Variants in PCDHA3 observed in about 807,000 individuals in gnomAD.
PCDHA3 encodes protocadherin alpha 3, also known as protocadherin alpha-3.
In PCDHA3, 41 loss-of-function variants were observed where a neutral mutation model predicts 62.2. That is an observed-to-expected ratio of 0.66 (90% CI 0.51 to 0.86). The LOEUF is 0.86. Ranked by LOEUF, PCDHA3 falls within the 40% of genes least tolerant of loss-of-function variation. PCDHA3 has a pLI of 0.00. For missense variants in PCDHA3, 1,304 were observed against 1,241.2 expected (o/e 1.05, Z -0.76); for synonymous variants, 640 against 555.4 (o/e 1.15, Z -2.14).
In PCDHA3 at chr5:140,875,872, A is replaced by C. The variant is rs1554168004; in HGVS notation, c.2394+72281A>C. Reference sequence around the variant, plus strand: ...CATTAACGACAACCCGCCGGTGTTCAGAGAAAGGGAACAAAAGGTACCTGT... The same window carrying C: ...CATTAACGACAACCCGCCGGTGTTCCGAGAAAGGGAACAAAAGGTACCTGT... On this transcript the variant is annotated intron_variant, in intron 1 of 3. Coordinates refer to ENST00000522353, the MANE Select transcript of PCDHA3 (RefSeq NM_018906.3). 1.9e-6 allele frequency: 3 copies of C among 1,614,224 alleles called. No individual in the cohort carries two copies. In the East Asian group the frequency reaches 6.7e-5, roughly 36 times the overall value.
chr5:140,887,497 A>G (rs981649331), intron 1 of PCDHA3, among the ~76,000 whole-genome samples: 1 of 152,150 alleles, frequency 6.6e-6, no homozygotes, highest in Admixed American at 6.5e-5. Context: ...ATAGTTTCTA[A>G]TAAGATGTTT....
chr5:140,851,796 T>C, intron 1 of PCDHA3: 3 of 954,006 alleles, frequency 3.1e-6, no homozygotes, highest in Non-Finnish European at 3.8e-6. Flanking sequence ...TCACTTGTTC[T>C]GTCAGTAATC....
chr5:140,870,766 C>T, intron 1 of PCDHA3: 1 of 1,613,562 alleles, frequency 6.2e-7, no homozygotes, highest in Non-Finnish European at 8.5e-7. Context: ...GGTGTTCGTG[C>T]TGGACGAGAA....
rs1233215220 is a variant in PCDHA3, at chr5:140,802,289, A to G, written c.1092A>G (p.Pro364=). 1 of 1,614,128 alleles carries G rather than the reference A, an allele frequency of 6.2e-7. No individual in the cohort carries two copies. Among genetic ancestry groups the G allele is most frequent in the East Asian group, 2.2e-5 (1 of 44,902 alleles). The change falls in exon 1 of 4, where the codon CCA becomes CCG. Residue 364 remains proline, a synonymous_variant. Transcript: ENST00000522353. The part of the protein sequence containing the change: ...SLSLPVLEDS[P]LSTVIALISV... The stretch of plus-strand genomic sequence containing the variant: ...CTTTACCTGTATTAGAAGACTCTCC[A>G]CTTAGCACAGTCATCGCTCTGATCA...
intron 3 of PCDHA3, among the ~76,000 whole-genome samples, chr5:140,983,637 T>G (rs1306208906): frequency 6.6e-6 from 1 of 152,232 alleles, no homozygotes; most frequent in Non-Finnish European, 1.5e-5. Context: ...TGTACCCAAG[T>G]TCACGTAGCT....
Position 140,852,727 on chromosome 5 carries a change from G to A in PCDHA3, c.2394+49136G>A, listed in dbSNP as rs1395858951. 8.1e-6 allele frequency: 8 copies of A among 983,412 alleles called. 1 individual carries two copies. The South Asian group carries it at 2.9e-4, about 35-fold the overall frequency. The allele number at this position is 983,412 out of a possible 1,614,324, so 60.9% of individuals were successfully genotyped here. The stretch of plus-strand genomic sequence containing the variant: ...ATCTTTGTCTTTGCACGTTTTTCAA[G>A]TTTCATGTGCCATTTAAACTTGGAC... On this transcript the variant is annotated intron_variant, in intron 1 of 3. Transcript: ENST00000522353.
At chr5:140,882,041 A>G (rs1374444489) in intron 1 of PCDHA3, 9 of 677,522 alleles carry the variant, frequency 1.3e-5, no homozygotes, top group African/African-American at 1.3e-4. Context: ...ATGAAGACTG[A>G]GTCATACTTA....
chr5:140,856,704 C>T, intron 1 of PCDHA3: 1 of 1,596,654 alleles, frequency 6.3e-7, no homozygotes, highest in Non-Finnish European at 8.6e-7. Context: ...GGAGGCAAAC[C>T]TGAATTTACC....
intron 1 of PCDHA3, chr5:140,809,983 A>T (rs1554125393): frequency 6.3e-6 from 1 of 158,314 alleles, no homozygotes; most frequent in East Asian, 1.9e-4. Flanking sequence ...CCTCGCATGC[A>T]CCTGCCAAAT....
At chr5:140,829,112 T>A (rs2150162678) in intron 1 of PCDHA3, 31 of 1,612,052 alleles carry the variant, frequency 1.9e-5, no homozygotes, top group Non-Finnish European at 1.7e-6. Context: ...AGTGAGAATT[T>A]TGGATAAAAA....
intron 1 of PCDHA3, chr5:140,927,988 G>A (rs782075633): frequency 6.2e-6 from 10 of 1,614,200 alleles, no homozygotes; most frequent in South Asian, 1.1e-5. Flanking sequence ...TAGTGTAAAG[G>A]ATGAAGACCT....
At chr5:140,876,894 C>G in intron 1 of PCDHA3, 2 of 1,614,132 alleles carry the variant, frequency 1.2e-6, no homozygotes, top group Non-Finnish European at 1.7e-6. Context: ...GCTGCCACAT[C>G]TTCACGGTGT....
At chr5:140,968,245 C>T (rs2096233117) in intron 1 of PCDHA3, 2 of 1,614,038 alleles carry the variant, frequency 1.2e-6, no homozygotes, top group Non-Finnish European at 1.7e-6. Flanking sequence ...CTGTGCAAGC[C>T]ACAGACCCAG....
chr5:140,837,576 CA>C (rs1310142916), intron 1 of PCDHA3, among the ~76,000 whole-genome samples: 1 of 151,836 alleles, frequency 6.6e-6, no homozygotes, highest in Non-Finnish European at 1.5e-5. Context: ...TTACAATCAC[CA>C]AATTGTAAAT....
chr5:140,830,663 G>T (rs114741049), intron 1 of PCDHA3: 3 of 406,220 alleles, frequency 7.4e-6, no homozygotes, highest in Non-Finnish European at 1.2e-5. Context: ...CATAATTTAA[G>T]TGAAATTAGA....
At chr5:140,823,804 G>A (rs782334570) in intron 1 of PCDHA3, 20 of 1,613,694 alleles carry the variant, frequency 1.2e-5, no homozygotes, top group Non-Finnish European at 1.6e-5. Context: ...GGCGCCGAAG[G>A]CCTCATCGCG....
chr5:140,926,912 C>A, intron 1 of PCDHA3: 1 of 1,561,732 alleles, frequency 6.4e-7, no homozygotes. Context: ...TGTGGGGTGG[C>A]AGTTTTATGT....
At position 141,010,198 on chromosome 5, in the gene PCDHA3, C is replaced by T; in HGVS notation, c.*261C>T. ...AAAGCAGACCCAAGTTTCCTTTCTC[C>T]TCCGCCGCAAAGGAGAGGCTTCCCA... On this transcript the variant is annotated 3_prime_UTR_variant, in exon 4 of 4. Transcript: ENST00000522353. The T allele has an allele frequency of 6.4e-7, 1 of 1,552,138 alleles. No homozygotes were observed. The highest frequency in any genetic ancestry group is 1.4e-5 in the African/African-American group (1 of 73,154).
chr5:140,902,599 G>A (rs981296505), intron 1 of PCDHA3, among the ~76,000 whole-genome samples: 14 of 152,024 alleles, frequency 9.2e-5, no homozygotes, highest in Admixed American at 3.3e-4. Flanking sequence ...GAAACAGGTC[G>A]TTTTCAGTTA....
Sources: allele counts gnomAD v4.1 joint callset (sites outside exome capture counted in the v4.1 genomes callset), GRCh38; gene constraint gnomAD v4.1.1; transcripts MANE v1.5; gene names NCBI Gene and HGNC (gene_info 2026-07-23, HGNC 2026-07-21).